Variants in THSD7B observed in about 807,000 individuals in gnomAD.
THSD7B encodes thrombospondin type-1 domain-containing protein 7B.
THSD7B carries 138 observed loss-of-function variants against 213.6 expected under a neutral mutation model. The ratio of observed to expected loss-of-function variants is 0.65; its 90% CI spans 0.56 to 0.74. The LOEUF is 0.74. THSD7B is among the 30% of genes least tolerant of loss of function. The probability of loss-of-function intolerance (pLI) is 0.00; values close to 1 mark genes in which losing one functional copy is unlikely to be tolerated. For missense variants in THSD7B, 1,931 were observed against 1,991.5 expected, an observed-to-expected ratio of 0.97 and a Z score of 0.58; for synonymous variants, 742 against 687.0, an observed-to-expected ratio of 1.08 and a Z score of -1.25.
At chr2:137,401,940 G>A (rs1686376712) in intron 12 of THSD7B, among the ~76,000 whole-genome samples, 1 of 152,192 alleles carries the variant, frequency 6.6e-6, no homozygotes, top group Middle Eastern at 3.4e-3. Flanking sequence ...CAAATCCGGC[G>A]AAGATGCAAA....
chr2:137,077,335 A>G (rs1422595832), intron 3 of THSD7B, among the ~76,000 whole-genome samples: 1 of 152,188 alleles, frequency 6.6e-6, no homozygotes, highest in Admixed American at 6.5e-5. Context: ...CTTTGGATAT[A>G]TACCCAGTAA....
rs536067776 is a variant in THSD7B at position 136,885,345 on chromosome 2, G to C, written c.139+3028G>C. On this transcript the variant is annotated intron_variant, in intron 2 of 27. Coordinates refer to ENST00000409968, the MANE Select transcript of THSD7B (RefSeq NM_001316349.2). ...CCTGGCTTTGGAAAAACAATGGATT[G>C]ATGAATAATAAGTGAGTGTATTATG... is the stretch of plus-strand genomic sequence containing the variant. Among the ~76,000 whole-genome samples the C allele has an allele frequency of 2.0e-5, 3 of 151,616 alleles. No individual in the cohort carries two copies. In the East Asian group the frequency reaches 5.9e-4, roughly 30 times the overall value.
At chr2:136,850,655 C>CT (rs1232942689) in intron 1 of THSD7B, among the ~76,000 whole-genome samples, 5 of 151,576 alleles carry the variant, frequency 3.3e-5, no homozygotes, top group East Asian at 1.9e-4. Context: ...TGATATGGGA[C>CT]TTTTTTTCCA....
chr2:137,623,592 C>T (rs1268176183), intron 20 of THSD7B, among the ~76,000 whole-genome samples: 1 of 152,170 alleles, frequency 6.6e-6, no homozygotes. Context: ...ATCATCTCAG[C>T]CCAAAATCTC....
At chr2:137,543,595 C>T in intron 15 of THSD7B, among the ~76,000 whole-genome samples, 1 of 151,772 alleles carries the variant, frequency 6.6e-6, no homozygotes, top group East Asian at 1.9e-4. Flanking sequence ...GCTCATGTAA[C>T]CAAAGAGAAA....
intron 15 of THSD7B, among the ~76,000 whole-genome samples, chr2:137,457,774 GT>G (rs1407230191): frequency 6.6e-6 from 1 of 152,142 alleles, no homozygotes; most frequent in Non-Finnish European, 1.5e-5. Context: ...CTGACTGTAT[GT>G]GTGTAAATTT....
intron 14 of THSD7B, among the ~76,000 whole-genome samples, chr2:137,440,086 T>C (rs754972672): frequency 7.2e-5 from 11 of 152,136 alleles, no homozygotes; most frequent in Non-Finnish European, 1.5e-4. Flanking sequence ...TTAGGAATTA[T>C]GTTTGAATGC....
chr2:137,178,473 G>A (rs953898700), intron 7 of THSD7B, among the ~76,000 whole-genome samples: 2 of 152,184 alleles, frequency 1.3e-5, no homozygotes, highest in African/African-American at 2.4e-5. Context: ...AATAAGATCA[G>A]GCTGTGCTGT....
chr2:137,179,230 T>G (rs1199619536), intron 7 of THSD7B, among the ~76,000 whole-genome samples: 1 of 152,162 alleles, frequency 6.6e-6, no homozygotes, highest in Non-Finnish European at 1.5e-5. Flanking sequence ...CCCAGACATG[T>G]CCTAAGTTTT....
chr2:137,469,822 A>T (rs1688059171), intron 15 of THSD7B, among the ~76,000 whole-genome samples: 2 of 152,232 alleles, frequency 1.3e-5, no homozygotes. Context: ...TTTGTAAGAG[A>T]TGCTTCAATG....
chr2:136,794,464 A>AGGT (rs1296796650), intron 1 of THSD7B, among the ~76,000 whole-genome samples: 3 of 151,674 alleles, frequency 2.0e-5, no homozygotes, highest in African/African-American at 7.3e-5. Flanking sequence ...TCTTATTTAG[A>AGGT]GGTATATTAC....
In THSD7B at chr2:137,128,297, C is replaced by G. The variant is rs536293185; in HGVS notation, c.1369+13004C>G. Reference sequence around the variant, plus strand: ...TTTGTGATTTATTAATCTATTTCTACATTAATCTGTTTAGGTTAAGTGTAT... The same window carrying G: ...TTTGTGATTTATTAATCTATTTCTAGATTAATCTGTTTAGGTTAAGTGTAT... On this transcript the variant is annotated intron_variant, in intron 5 of 27. Transcript: ENST00000409968. Among the ~76,000 whole-genome samples the G allele has an allele frequency of 4.6e-5, 7 of 152,146 alleles. No homozygotes were observed. In the South Asian group the frequency reaches 1.4e-3, roughly 31 times the overall value.
intron 2 of THSD7B, among the ~76,000 whole-genome samples, chr2:137,016,696 A>T (rs942136604): frequency 6.6e-6 from 1 of 152,194 alleles, no homozygotes; most frequent in Non-Finnish European, 1.5e-5. Context: ...ATGGTATGTG[A>T]AGAATGTCTA....
chr2:137,232,215 G>A lies in THSD7B; in HGVS notation c.1916-684G>A, dbSNP rs528523871. ...CCACTTTTTATATGGATATAAAAAT[G>A]TCAGAAAAGGACAATAATGAAATTG... is the stretch of plus-strand genomic sequence containing the variant. On this transcript the variant is annotated intron_variant, in intron 8 of 27. Transcript: ENST00000409968. 2.6e-5 allele frequency among the ~76,000 whole-genome samples: 4 copies of A among 152,272 alleles called. No homozygotes were observed. The South Asian group carries it at 8.3e-4, about 32-fold the overall frequency.
intron 3 of THSD7B, among the ~76,000 whole-genome samples, chr2:137,088,271 A>T (rs1423245644): frequency 2.6e-5 from 4 of 151,850 alleles, no homozygotes; most frequent in South Asian, 2.1e-4. Context: ...AATTAAATTT[A>T]AAAAAAGGTG....
At chr2:137,024,153 C>T (rs1420354070) in intron 2 of THSD7B, among the ~76,000 whole-genome samples, 1 of 152,148 alleles carries the variant, frequency 6.6e-6, no homozygotes, top group Non-Finnish European at 1.5e-5. Context: ...ATGAGAGAAA[C>T]TCTTTTGCCT....
chr2:136,890,849 C>T (rs1428501357), intron 2 of THSD7B, among the ~76,000 whole-genome samples: 1 of 151,434 alleles, frequency 6.6e-6, no homozygotes, highest in East Asian at 2.0e-4. Context: ...CCATGTCCTA[C>T]ACTTCTGAGA....
chr2:137,544,289 T>C (rs913085694), intron 15 of THSD7B, among the ~76,000 whole-genome samples: 1 of 151,778 alleles, frequency 6.6e-6, no homozygotes, highest in Non-Finnish European at 1.5e-5. Context: ...TAATGAAATA[T>C]GTGTTCATGG....
intron 2 of THSD7B, among the ~76,000 whole-genome samples, chr2:136,968,896 A>C (rs189293727): frequency 3.2e-4 from 49 of 152,290 alleles, no homozygotes; most frequent in African/African-American, 1.2e-3. Context: ...GTTTGCATAT[A>C]AAAATTATGC....
Sources: allele counts gnomAD v4.1 joint callset (sites outside exome capture counted in the v4.1 genomes callset), GRCh38; gene constraint gnomAD v4.1.1; transcripts MANE v1.5; gene names NCBI Gene and HGNC (gene_info 2026-07-23, HGNC 2026-07-21).